The following TSPAN3 variants were observed in gnomAD, a reference collection of about 807,000 sequenced individuals.
TSPAN3 encodes the protein tetraspanin 3.
TSPAN3 carries 9 observed loss-of-function variants against 31.1 expected under a neutral mutation model. That is an observed-to-expected ratio of 0.29 (90% confidence interval 0.17 to 0.50). TSPAN3 has a LOEUF of 0.50. TSPAN3 is among the 20% of genes least tolerant of loss of function. The pLI is 0.98. For synonymous variants in TSPAN3, 129 were observed against 114.3 expected (o/e 1.13, Z -0.82); for missense variants, 252 against 313.5 (o/e 0.80, Z 1.48).
rs1251446156 is a variant in TSPAN3, at chr15:77,046,466, T to C, written c.*369A>G. 4 of 409,122 alleles carry C rather than the reference T, an allele frequency of 9.8e-6. No homozygotes were observed. Among genetic ancestry groups the C allele is most frequent in the Non-Finnish European group, 1.7e-5 (4 of 231,620 alleles). 25.3% of individuals were successfully genotyped at this position (409,122 alleles called of 1,614,324 possible). ...CGCAAAAACCTTTGGCCAAGAGTTC[T>C]CCACTGTGAAGACTGAAAGGACCTG... On this transcript the variant is annotated 3_prime_UTR_variant, in exon 7 of 7. Coordinates refer to ENST00000267970, the MANE Select transcript of TSPAN3 (RefSeq NM_005724.6).
chr15:77,062,064 G>A (rs1235278025), intron 1 of TSPAN3, among the ~76,000 whole-genome samples: 1 of 151,990 alleles, frequency 6.6e-6, no homozygotes, highest in Admixed American at 6.5e-5. Flanking sequence ...AAAAGCAGAG[G>A]GAAAAAATAG....
chr15:77,053,411 G>A (rs1217306962), intron 4 of TSPAN3, among the ~76,000 whole-genome samples: 1 of 119,364 alleles, frequency 8.4e-6, no homozygotes, highest in African/African-American at 3.3e-5. Flanking sequence ...TCGCGCCACT[G>A]CACTCCAGCC....
chr15:77,064,975 A>G (rs879784900), intron 1 of TSPAN3: 4 of 152,236 alleles, frequency 2.6e-5, no homozygotes, highest in Admixed American at 2.6e-4. Context: ...CACTTGAAAT[A>G]CCTCATTATA....
At chr15:77,049,141 G>A (rs1366365346) in intron 6 of TSPAN3, among the ~76,000 whole-genome samples, 1 of 152,116 alleles carries the variant, frequency 6.6e-6, no homozygotes, top group Non-Finnish European at 1.5e-5. Context: ...AGGTACAAAA[G>A]GTTGCAAACT....
At chr15:77,057,097 G>C (rs934051102) in intron 1 of TSPAN3, among the ~76,000 whole-genome samples, 1 of 152,176 alleles carries the variant, frequency 6.6e-6, no homozygotes, top group Non-Finnish European at 1.5e-5. Context: ...TGCTGCTCCA[G>C]GCATCATTCT....
intron 6 of TSPAN3, among the ~76,000 whole-genome samples, chr15:77,052,098 C>T (rs577356630): frequency 6.6e-6 from 1 of 152,264 alleles, no homozygotes; most frequent in Admixed American, 6.5e-5. Context: ...GACAACAGTT[C>T]GTTTATGTTT....
In TSPAN3 at chr15:77,070,992, G is replaced by C. The variant is rs1329027135; in HGVS notation, c.-38C>G. ...CCGCGAAGGCCCGGCCCGGAGAGCG[G>C]GGCTGCGCTCACCGAGAGAGCGGCA... On this transcript the variant is annotated 5_prime_UTR_variant, in exon 1 of 7. Coordinates refer to ENST00000267970, the MANE Select transcript of TSPAN3 (RefSeq NM_005724.6). 8.0e-6 allele frequency: 11 copies of C among 1,371,708 alleles called. No homozygotes were observed. The highest frequency in any genetic ancestry group is 1.0e-5 in the Non-Finnish European group (11 of 1,052,866). 85.0% of individuals were successfully genotyped at this position (1,371,708 alleles called of 1,614,324 possible).
chr15:77,059,349 T>A (rs536887375), intron 1 of TSPAN3, among the ~76,000 whole-genome samples: 1 of 152,356 alleles, frequency 6.6e-6, no homozygotes, highest in South Asian at 2.1e-4. Context: ...CCCAAAGTGC[T>A]GGGATTACAG....
At chr15:77,052,617 G>A in intron 5 of TSPAN3, 149 bp from the exon 6 acceptor site, 1 of 1,098,500 alleles carries the variant, frequency 9.1e-7, no homozygotes, top group Non-Finnish European at 1.3e-6. Flanking sequence ...TTACAGACAT[G>A]TAATTAAAAC....
chr15:77,050,868 T>A (rs2076726309), intron 6 of TSPAN3, among the ~76,000 whole-genome samples: 1 of 152,230 alleles, frequency 6.6e-6, no homozygotes, highest in South Asian at 2.1e-4. Flanking sequence ...GTAGGCTTTT[T>A]AATGAATCAT....
chr15:77,056,306 T>G, intron 1 of TSPAN3, 51 bp from the exon 2 acceptor site: 1 of 1,432,032 alleles, frequency 7.0e-7, no homozygotes, highest in Non-Finnish European at 9.4e-7. Context: ...GGTAAAAATT[T>G]CCTATTATTG....
chr15:77,041,586 T>C lies in TSPAN3; in HGVS notation c.*5249A>G, dbSNP rs1370390103. On this transcript the variant is annotated 3_prime_UTR_variant, in exon 7 of 7. Transcript: ENST00000267970. ...TTTTTAATAGAGATGGGTTTCACCATGTTGGCCAGGCTGGTTTTGAACTCC... is the reference window on the plus strand; with the variant it reads ...TTTTTAATAGAGATGGGTTTCACCACGTTGGCCAGGCTGGTTTTGAACTCC... The C allele has an allele frequency of 6.6e-6, 1 of 152,124 alleles. No individual in the cohort carries two copies. Among genetic ancestry groups the C allele is most frequent in the Non-Finnish European group, 1.5e-5 (1 of 68,028 alleles). 9.4% of individuals were successfully genotyped at this position (152,124 alleles called of 1,614,324 possible). A position where few individuals can be genotyped will look rare whatever the true frequency, so the allele number is the denominator to read the frequency against.
intron 1 of TSPAN3, among the ~76,000 whole-genome samples, chr15:77,061,357 G>A (rs1237926760): frequency 1.3e-5 from 2 of 152,000 alleles, no homozygotes; most frequent in South Asian, 2.1e-4. Flanking sequence ...CAGAAACCCC[G>A]TCTCTACTAA....
intron 1 of TSPAN3, among the ~76,000 whole-genome samples, chr15:77,070,214 C>A (rs765169475): frequency 6.6e-6 from 1 of 152,184 alleles, no homozygotes; most frequent in African/African-American, 2.4e-5. Context: ...GAACTCATCA[C>A]TTTCAAAATC....
In TSPAN3 at chr15:77,041,734, T is replaced by A. The variant is rs2076661104; in HGVS notation, c.*5101A>T. 6.6e-6 allele frequency: 1 copy of A among 152,150 alleles called. No individual in the cohort carries two copies. Among genetic ancestry groups the A allele is most frequent in the Non-Finnish European group, 1.5e-5 (1 of 68,034 alleles). 9.4% of individuals were successfully genotyped at this position (152,150 alleles called of 1,614,324 possible). On this transcript the variant is annotated 3_prime_UTR_variant, in exon 7 of 7. Transcript: ENST00000267970. Reference sequence around the variant, plus strand: ...AAATCCAACTAACAAGAATCCACCCTTGGAGTTCATGTAAAAATACATGAC... The same window carrying A: ...AAATCCAACTAACAAGAATCCACCCATGGAGTTCATGTAAAAATACATGAC...
In TSPAN3 at chr15:77,055,906, TAAC is replaced by T; in HGVS notation, c.256-46_256-44del. The T allele has an allele frequency of 1.9e-6, 3 of 1,563,078 alleles. No homozygotes were observed. In the South Asian group the frequency reaches 3.6e-5, roughly 19 times the overall value. The stretch of plus-strand genomic sequence containing the variant: ...TTAAAATTATATACAAATGAAAAAA[TAAC>T]TTTAAATACACTCTTGATTTAAAAA... On this transcript the variant is annotated intron_variant, in intron 2 of 6. Coordinates refer to ENST00000267970, the MANE Select transcript of TSPAN3 (RefSeq NM_005724.6).
At chr15:77,051,074 A>T (rs75338883) in intron 6 of TSPAN3, among the ~76,000 whole-genome samples, 30,842 of 150,734 alleles carry the variant, frequency 0.2, 3,865 homozygotes, top group Middle Eastern at 0.29. Context: ...TTTAAAAAAA[A>T]TTTTTTTTTT....
rs2076690727 is a variant in TSPAN3, at chr15:77,046,337, G to A, written c.*498C>T. On this transcript the variant is annotated 3_prime_UTR_variant, in exon 7 of 7. Coordinates refer to ENST00000267970, the MANE Select transcript of TSPAN3 (RefSeq NM_005724.6). The stretch of plus-strand genomic sequence containing the variant: ...CAATCTATTTTAGTCATTTTGTACA[G>A]CTGCTATCTTATTGGACTACAGTAA... 2.5e-6 allele frequency: 1 copy of A among 401,132 alleles called. No homozygotes were observed. The highest frequency in any genetic ancestry group is 4.4e-6 in the Non-Finnish European group (1 of 227,322). The allele number at this position is 401,132 out of a possible 1,614,324, so 24.8% of individuals were successfully genotyped here.
Position 77,061,590 on chromosome 15 carries a change from C to T in TSPAN3, c.64-5335G>A, listed in dbSNP as rs371565497. 2.6e-4 allele frequency among the ~76,000 whole-genome samples: 39 copies of T among 152,086 alleles called. 1 individual carries two copies. The highest frequency in any genetic ancestry group is 8.2e-4 in the African/African-American group (34 of 41,494). On this transcript the variant is annotated intron_variant, in intron 1 of 6. Transcript: ENST00000267970. ...CTATTAAATTCCTTTTCATCAACCA[C>T]GGTGTAACCTGCCATTGGAATGTGG...
Sources: allele counts gnomAD v4.1 joint callset (sites outside exome capture counted in the v4.1 genomes callset), GRCh38; gene constraint gnomAD v4.1.1; transcripts MANE v1.5; gene names NCBI Gene and HGNC (gene_info 2026-07-23, HGNC 2026-07-21).